The following NTM variants were observed in gnomAD, a reference collection of about 807,000 sequenced individuals.
NTM encodes IgLON family member 2.
Under a neutral mutation model 42.1 loss-of-function variants are expected in NTM, and 13 were observed. That is an observed-to-expected ratio of 0.31 (90% CI 0.20 to 0.49). The LOEUF (loss-of-function observed/expected upper bound fraction) is 0.49. Among genes scored for constraint, NTM ranks in the 20% least tolerant of loss-of-function variants. The pLI, the probability that NTM is intolerant of heterozygous loss-of-function variation, is 0.99. For synonymous variants in NTM, 187 were observed against 179.2 expected, an observed-to-expected ratio of 1.04 and a Z score of -0.35; for missense variants, 373 against 452.8, an observed-to-expected ratio of 0.82 and a Z score of 1.60.
At chr11:131,414,965 C>T (rs560961966) in intron 1 of NTM, among the ~76,000 whole-genome samples, 2 of 152,292 alleles carry the variant, frequency 1.3e-5, no homozygotes, top group South Asian at 4.2e-4. Flanking sequence ...AGATTCCAGT[C>T]TCCCCACTTG....
chr11:132,038,388 A>G (rs2076765840), intron 2 of NTM, among the ~76,000 whole-genome samples: 1 of 152,140 alleles, frequency 6.6e-6, no homozygotes, highest in South Asian at 2.1e-4. Flanking sequence ...GATTGAGGAC[A>G]GTTTGGTTCC....
intron 2 of NTM, among the ~76,000 whole-genome samples, chr11:132,061,752 C>T (rs987382777): frequency 6.6e-6 from 1 of 152,160 alleles, no homozygotes; most frequent in Non-Finnish European, 1.5e-5. Context: ...GGCAGTTATA[C>T]AGTTCAAGCA....
At chr11:132,236,160 T>C (rs1379932737) in intron 4 of NTM, among the ~76,000 whole-genome samples, 2 of 152,220 alleles carry the variant, frequency 1.3e-5, no homozygotes, top group Non-Finnish European at 2.9e-5. Context: ...CTGGAGCATT[T>C]ATTCTTTACC....
chr11:131,491,317 G>C (rs2136295868), intron 1 of NTM, among the ~76,000 whole-genome samples: 1 of 152,164 alleles, frequency 6.6e-6, no homozygotes, highest in East Asian at 1.9e-4. Flanking sequence ...GTGATAAAAA[G>C]TATATAGCTA....
chr11:131,650,623 C>T (rs2066359615), intron 1 of NTM, among the ~76,000 whole-genome samples: 1 of 152,158 alleles, frequency 6.6e-6, no homozygotes, highest in Non-Finnish European at 1.5e-5. Flanking sequence ...TCTCAATAAA[C>T]AGCCATCATC....
intron 2 of NTM, among the ~76,000 whole-genome samples, chr11:131,993,645 T>C (rs2067422112): frequency 6.6e-6 from 1 of 152,006 alleles, no homozygotes; most frequent in Admixed American, 6.6e-5. Flanking sequence ...AGAAAATAAG[T>C]CTATGAATTT....
intron 2 of NTM, among the ~76,000 whole-genome samples, chr11:132,129,289 A>C (rs1410431007): frequency 6.6e-6 from 1 of 152,178 alleles, no homozygotes; most frequent in Non-Finnish European, 1.5e-5. Context: ...TTGATGCTCT[A>C]AGTGATAGTT....
chr11:132,234,741 C>A (rs574795807), intron 4 of NTM, among the ~76,000 whole-genome samples: 2 of 152,208 alleles, frequency 1.3e-5, no homozygotes, highest in Admixed American at 1.3e-4. Flanking sequence ...GAAATCTTGT[C>A]ACTTTCAAAA....
intron 1 of NTM, among the ~76,000 whole-genome samples, chr11:131,746,094 C>T (rs1444006289): frequency 1.3e-5 from 2 of 152,020 alleles, no homozygotes; most frequent in Non-Finnish European, 2.9e-5. Flanking sequence ...GGAATGTTTC[C>T]TTTACCCTCT....
At chr11:131,518,225 G>GA (rs1230629303) in intron 1 of NTM, among the ~76,000 whole-genome samples, 1 of 152,112 alleles carries the variant, frequency 6.6e-6, no homozygotes, top group Non-Finnish European at 1.5e-5. Flanking sequence ...ATTTGACAGC[G>GA]AAACGGAGGC....
chr11:132,167,235 C>T (rs1239720255), intron 3 of NTM, among the ~76,000 whole-genome samples: 1 of 151,748 alleles, frequency 6.6e-6, no homozygotes, highest in Non-Finnish European at 1.5e-5. Flanking sequence ...TGTTTTTAAA[C>T]ATTTTTTATT....
intron 3 of NTM, among the ~76,000 whole-genome samples, chr11:132,188,629 G>A (rs117412903): frequency 3.1e-3 from 470 of 152,246 alleles, no homozygotes; most frequent in Non-Finnish European, 5.4e-3. Context: ...ATTCCCAGAG[G>A]AACCAGCACC....
At chr11:131,598,198 T>G (rs2059979407) in intron 1 of NTM, among the ~76,000 whole-genome samples, 1 of 145,570 alleles carries the variant, frequency 6.9e-6, no homozygotes, top group South Asian at 2.2e-4. Context: ...GAATTCCCCC[T>G]GAAAATCACT....
At chr11:132,128,027 C>T (rs73593357) in intron 2 of NTM, among the ~76,000 whole-genome samples, 1 of 152,140 alleles carries the variant, frequency 6.6e-6, no homozygotes, top group Admixed American at 6.5e-5. Flanking sequence ...TATTTGGGCA[C>T]TCTCATCCAT....
intron 1 of NTM, among the ~76,000 whole-genome samples, chr11:131,449,722 C>T (rs116326834): frequency 0.012 from 1,847 of 152,268 alleles, 47 homozygotes; most frequent in African/African-American, 0.042. Context: ...GCATGGAGGC[C>T]GCAGGTGTAC....
chr11:131,439,267 A>T (rs1949404435), intron 1 of NTM, among the ~76,000 whole-genome samples: 3 of 151,990 alleles, frequency 2.0e-5, no homozygotes, highest in Non-Finnish European at 4.4e-5. Flanking sequence ...GGGGTCAGGG[A>T]CTCACTTGGG....
At chr11:131,605,833 G>T (rs781163597) in intron 1 of NTM, 3 of 984,286 alleles carry the variant, frequency 3.0e-6, no homozygotes, top group South Asian at 9.4e-5. Context: ...ATTTCTAACT[G>T]CCTGGAAGCC....
At chr11:131,836,818 G>A (rs2043556703) in intron 1 of NTM, among the ~76,000 whole-genome samples, 1 of 152,192 alleles carries the variant, frequency 6.6e-6, no homozygotes, top group African/African-American at 2.4e-5. Context: ...CCTTATTTAA[G>A]TGAGTAATTA....
chr11:131,912,212 C>T (rs1201618848), intron 2 of NTM, among the ~76,000 whole-genome samples: 3 of 152,126 alleles, frequency 2.0e-5, no homozygotes, highest in African/African-American at 7.2e-5. Flanking sequence ...GATGCTTTCT[C>T]CTGTCTGAAC....
Sources: allele counts gnomAD v4.1 joint callset (sites outside exome capture counted in the v4.1 genomes callset), GRCh38; gene constraint gnomAD v4.1.1; transcripts MANE v1.5; gene names NCBI Gene and HGNC (gene_info 2026-07-23, HGNC 2026-07-21).